The following NAA15 variants were observed in gnomAD, a reference collection of about 807,000 sequenced individuals.
NAA15 encodes the protein N-alpha-acetyltransferase 15, NatA auxiliary subunit.
NAA15 carries 34 observed loss-of-function variants against 114.0 expected under a neutral mutation model. The observed-to-expected ratio is 0.30, with a 90% CI of 0.23 to 0.40. The LOEUF is 0.40. Ranked by LOEUF, NAA15 falls within the 10% of genes least tolerant of loss-of-function variation. The probability of loss-of-function intolerance (pLI) is 1.00; values close to 1 mark genes in which losing one functional copy is unlikely to be tolerated. For missense variants in NAA15, 658 were observed against 1,004.5 expected (o/e 0.66, Z 4.66); for synonymous variants, 340 against 338.0 (o/e 1.01, Z -0.06).
intron 14 of NAA15, 28 bp downstream of exon 14, chr4:139,361,965 T>C: frequency 6.6e-7 from 1 of 1,523,006 alleles, no homozygotes; most frequent in Non-Finnish European, 9.1e-7. Context: ...CTTCTTGTGC[T>C]CTGATGTGTT....
At chr4:139,334,286 A>G (rs547089636) in intron 2 of NAA15, 28 bp downstream of exon 2, 15 of 1,432,770 alleles carry the variant, frequency 1.0e-5, no homozygotes, top group Middle Eastern at 1.8e-4. Context: ...AAGCTTTACT[A>G]CATACCTGTC....
intron 19 of NAA15, chr4:139,386,453 A>T: frequency 2.9e-6 from 1 of 339,964 alleles, no homozygotes; most frequent in Non-Finnish European, 5.4e-6. Context: ...AATCATATAC[A>T]TTCCATCGTC....
intron 1 of NAA15, among the ~76,000 whole-genome samples, chr4:139,325,771 C>G (rs772900190): frequency 2.0e-5 from 3 of 152,128 alleles, no homozygotes; most frequent in Non-Finnish European, 4.4e-5. Flanking sequence ...ATCTCAGGTT[C>G]ATGAGTAGCA....
intron 11 of NAA15, among the ~76,000 whole-genome samples, chr4:139,359,055 A>G (rs1435076639): frequency 6.6e-6 from 1 of 151,788 alleles, no homozygotes; most frequent in African/African-American, 2.4e-5. Flanking sequence ...CAGTGAGCCA[A>G]GATTGTGCCA....
At chr4:139,358,415 C>T (rs909371807) in intron 11 of NAA15, among the ~76,000 whole-genome samples, 4 of 151,858 alleles carry the variant, frequency 2.6e-5, no homozygotes, top group African/African-American at 9.7e-5. Flanking sequence ...AGGCTGGTCT[C>T]GAACTCCTGG....
intron 1 of NAA15, among the ~76,000 whole-genome samples, chr4:139,310,251 G>A (rs1272446479): frequency 2.0e-5 from 3 of 151,686 alleles, no homozygotes; most frequent in East Asian, 1.9e-4. Context: ...TCAGGAGATC[G>A]AGACCATCCT....
chr4:139,304,607 TG>T (rs767728448), intron 1 of NAA15, among the ~76,000 whole-genome samples: 6 of 152,262 alleles, frequency 3.9e-5, no homozygotes, highest in Non-Finnish European at 7.3e-5. Flanking sequence ...GCAATATTAC[TG>T]TTATATAGTT....
rs543890888 is a variant in NAA15, at chr4:139,313,058, A to G, written c.54+11227A>G. ...TATTATTTTTAATTTTAAAGATTCC[A>G]TTTGATTTTATTACAGAGGAGATTA... is the stretch of plus-strand genomic sequence containing the variant. On this transcript the variant is annotated intron_variant, in intron 1 of 19. Coordinates refer to ENST00000296543, the MANE Select transcript of NAA15 (RefSeq NM_057175.5). Among the ~76,000 whole-genome samples, 6 of 151,960 alleles carry G rather than the reference A, an allele frequency of 3.9e-5. 2 individuals carry two copies. The East Asian group carries it at 9.7e-4, about 25-fold the overall frequency.
At chr4:139,330,824 A>G (rs889363363) in intron 1 of NAA15, among the ~76,000 whole-genome samples, 3 of 152,166 alleles carry the variant, frequency 2.0e-5, no homozygotes, top group African/African-American at 4.8e-5. Flanking sequence ...GCAACAACAA[A>G]GTGGAGATGA....
intron 1 of NAA15, among the ~76,000 whole-genome samples, chr4:139,321,080 G>A (rs1358550856): frequency 6.6e-6 from 1 of 151,506 alleles, no homozygotes; most frequent in African/African-American, 2.4e-5. Context: ...ACCAGCTTTT[G>A]ATTTCACAAA....
At chr4:139,320,678 G>A (rs944740548) in intron 1 of NAA15, among the ~76,000 whole-genome samples, 4 of 152,094 alleles carry the variant, frequency 2.6e-5, no homozygotes, top group East Asian at 1.9e-4. Flanking sequence ...ATGCCACCAC[G>A]CCTGGCTAAT....
rs144797811 is a variant in NAA15, at chr4:139,380,278, AAT to A, written c.2155+1426_2155+1427del. 8.0e-3 allele frequency among the ~76,000 whole-genome samples: 1,212 copies of A among 152,012 alleles called. 18 individuals are homozygous for A. The highest frequency in any genetic ancestry group is 0.028 in the African/African-American group (1,141 of 41,410). On this transcript the variant is annotated intron_variant, in intron 17 of 19. Coordinates refer to ENST00000296543, the MANE Select transcript of NAA15 (RefSeq NM_057175.5). The stretch of plus-strand genomic sequence containing the variant: ...TTTTTTGGGGGGGGGGAGTATGAAA[AAT>A]AACTTTGCAATCATGGGTCAGAAAA...
intron 3 of NAA15, among the ~76,000 whole-genome samples, chr4:139,337,654 T>G (rs1200245579): frequency 1.3e-5 from 2 of 152,208 alleles, no homozygotes; most frequent in African/African-American, 4.8e-5. Flanking sequence ...AAGATAGACT[T>G]TAGCAAATAT....
In NAA15 at chr4:139,316,789, A is replaced by T. The variant is rs546401491; in HGVS notation, c.54+14958A>T. Among the ~76,000 whole-genome samples, 8 of 151,934 alleles carry T rather than the reference A, an allele frequency of 5.3e-5. No homozygotes were observed. The East Asian group carries it at 1.6e-3, about 29-fold the overall frequency. ...CTTCTCAGTCTCTTAGTTCAAGAGCATTCTGATTTGTTGCCACAGTGAAAT... is the reference window on the plus strand; with the variant it reads ...CTTCTCAGTCTCTTAGTTCAAGAGCTTTCTGATTTGTTGCCACAGTGAAAT... On this transcript the variant is annotated intron_variant, in intron 1 of 19. Transcript: ENST00000296543.
rs192391345 is a variant in NAA15 at position 139,303,928 on chromosome 4, G to A, written c.54+2097G>A. Among the ~76,000 whole-genome samples the A allele has an allele frequency of 1.6e-4, 24 of 151,740 alleles. No individual in the cohort carries two copies. In the East Asian group the frequency reaches 4.1e-3, roughly 26 times the overall value. ...CAAGTGTTAGCACTTTTTTTTGTTT[G>A]TTTGTTTGAGACGGAGTCTCGCTCT... On this transcript the variant is annotated intron_variant, in intron 1 of 19. Coordinates refer to ENST00000296543, the MANE Select transcript of NAA15 (RefSeq NM_057175.5).
chr4:139,363,197 T>A (rs928233948), intron 14 of NAA15, among the ~76,000 whole-genome samples: 1 of 152,222 alleles, frequency 6.6e-6, no homozygotes, highest in East Asian at 1.9e-4. Context: ...TTGTTTTTCT[T>A]TCTATTCTTC....
chr4:139,330,894 T>C (rs76081211), intron 1 of NAA15, among the ~76,000 whole-genome samples: 1,773 of 152,302 alleles, frequency 0.012, 12 homozygotes, highest in East Asian at 0.03. Flanking sequence ...TTAATTGATT[T>C]CTTCATGCTA....
At chr4:139,354,225 A>G (rs1285187277) in intron 10 of NAA15, 127 bp downstream of exon 10, 3 of 663,652 alleles carry the variant, frequency 4.5e-6, no homozygotes, top group Non-Finnish European at 7.9e-6. Context: ...TTTCTCTTTG[A>G]GAGGGAGATC....
rs1199566298 is a variant in NAA15, at chr4:139,364,415, CTT to C, written c.1753+2480_1753+2481del. On this transcript the variant is annotated intron_variant, in intron 14 of 19. Transcript: ENST00000296543. ...GCTTTGCAATTTTTTAGATTTGGCT[CTT>C]TAAACATTTGGAGTTAATTTTTATA... Among the ~76,000 whole-genome samples, 7 of 152,158 alleles carry C rather than the reference CTT, an allele frequency of 4.6e-5. No homozygotes were observed. The East Asian group carries it at 1.2e-3, about 25-fold the overall frequency.
Sources: allele counts gnomAD v4.1 joint callset (sites outside exome capture counted in the v4.1 genomes callset), GRCh38; gene constraint gnomAD v4.1.1; transcripts MANE v1.5; gene names NCBI Gene and HGNC (gene_info 2026-07-23, HGNC 2026-07-21).